SCN3A: variants seen among roughly 807,000 people sequenced by gnomAD.
SCN3A encodes sodium channel protein type 3 subunit alpha.
Under a neutral mutation model 187.6 loss-of-function variants are expected in SCN3A, and 60 were observed. The observed-to-expected ratio is 0.32, with a 90% CI of 0.26 to 0.40. SCN3A has a LOEUF of 0.40. SCN3A is among the 10% of genes least tolerant of loss of function. The probability of loss-of-function intolerance (pLI) is 1.00; values close to 1 mark genes in which losing one functional copy is unlikely to be tolerated. For missense variants in SCN3A, 1,601 were observed against 2,428.2 expected, an observed-to-expected ratio of 0.66 and a Z score of 7.16; for synonymous variants, 788 against 829.2, an observed-to-expected ratio of 0.95 and a Z score of 0.85.
chr2:165,159,897 C>T (rs1178955514), intron 9 of SCN3A, among the ~76,000 whole-genome samples: 2 of 135,398 alleles, frequency 1.5e-5, no homozygotes, highest in Non-Finnish European at 3.0e-5. Context: ...TTTGGGAGGC[C>T]GAGGCGGGCG....
intron 17 of SCN3A, among the ~76,000 whole-genome samples, chr2:165,129,130 G>C (rs191212902): frequency 2.6e-5 from 4 of 152,244 alleles, no homozygotes; most frequent in Admixed American, 2.6e-4. Flanking sequence ...TATCCCAGTA[G>C]CATTCTTTTG....
At chr2:165,171,739 T>C (rs1004392428) in intron 3 of SCN3A, among the ~76,000 whole-genome samples, 1 of 152,112 alleles carries the variant, frequency 6.6e-6, no homozygotes, top group Non-Finnish European at 1.5e-5. Context: ...TGTACTCTTT[T>C]ACATGTTGCT....
intron 18 of SCN3A, among the ~76,000 whole-genome samples, chr2:165,116,505 C>A (rs1686374133): frequency 6.6e-6 from 1 of 152,118 alleles, no homozygotes; most frequent in Admixed American, 6.6e-5. Flanking sequence ...TAATGTAAAG[C>A]TTTTAAGATG....
chr2:165,168,229 C>T (rs1689893095), intron 5 of SCN3A, among the ~76,000 whole-genome samples: 1 of 151,996 alleles, frequency 6.6e-6, no homozygotes, highest in Non-Finnish European at 1.5e-5. Context: ...TTTTACAGAA[C>T]ACATCTAAGC....
rs370198506 is a variant in SCN3A at position 165,091,693 on chromosome 2, A to AT, written c.4808-349dup. 1.7e-3 allele frequency: 516 copies of AT among 311,102 alleles called. 3 individuals are homozygous for AT. Among genetic ancestry groups the AT allele is most frequent in the African/African-American group, 0.011 (482 of 45,904 alleles). The allele number at this position is 311,102 out of a possible 1,614,324, so 19.3% of individuals were successfully genotyped here. ...GAAATCTCTGAATATATTGTTTTCT[A>AT]TTTTTTAATGATACTCTTCAGTTAG... On this transcript the variant is annotated intron_variant, in intron 27 of 27. Coordinates refer to ENST00000283254, the MANE Select transcript of SCN3A (RefSeq NM_006922.4).
At chr2:165,154,038 A>G (rs1688862487) in intron 11 of SCN3A, among the ~76,000 whole-genome samples, 1 of 125,990 alleles carries the variant, frequency 7.9e-6, no homozygotes, top group Non-Finnish European at 1.6e-5. Flanking sequence ...ATTGTTAAGC[A>G]TAGGTATATA....
Position 165,095,581 on chromosome 2 carries a change from A to G in SCN3A, c.4361T>C (p.Phe1454Ser), listed in dbSNP as rs1305936001. 2 of 1,578,902 alleles carry G rather than the reference A, an allele frequency of 1.3e-6. No homozygotes were observed. Among genetic ancestry groups the G allele is most frequent in the East Asian group, 2.2e-5 (1 of 44,678 alleles). The change falls in exon 25 of 28, where the codon TTT becomes TCT. Residue 1454 changes from phenylalanine (F) to serine (S), a missense_variant. Physicochemically the swap from Phe to Ser is radical, Grantham distance 155. This residue lies in a region of SCN3A where 320 missense variants were observed against 623.2 expected (regional missense o/e 0.51). Coordinates refer to ENST00000283254, the MANE Select transcript of SCN3A (RefSeq NM_006922.4). The stretch of plus-strand genomic sequence containing the variant: ...TAGATTCAGAGTGAAGAATGACCCA[A>G]AGATGATAAAGATGACAAAGTATAA... ...MYLYFVIFII[F>S]GSFFTLNLFI...
chr2:165,178,382 A>G (rs62176178), intron 2 of SCN3A, among the ~76,000 whole-genome samples: 12,646 of 151,956 alleles, frequency 0.083, 652 homozygotes, highest in Non-Finnish European at 0.096. Flanking sequence ...GCCCTCCACC[A>G]TGCCTGGATC....
chr2:165,200,708 CAGTTT>C (rs1692261340), intron 1 of SCN3A, among the ~76,000 whole-genome samples: 1 of 151,974 alleles, frequency 6.6e-6, no homozygotes, highest in Non-Finnish European at 1.5e-5. Flanking sequence ...TTACTTGAGT[CAGTTT>C]AAAGAGGCCT....
At chr2:165,192,161 A>G (rs949815905) in intron 1 of SCN3A, among the ~76,000 whole-genome samples, 11 of 152,142 alleles carry the variant, frequency 7.2e-5, no homozygotes, top group Admixed American at 2.6e-4. Flanking sequence ...TATAGGCACT[A>G]TATTTATTAA....
chr2:165,196,016 G>T (rs1691925717), intron 1 of SCN3A, among the ~76,000 whole-genome samples: 1 of 152,078 alleles, frequency 6.6e-6, no homozygotes, highest in Non-Finnish European at 1.5e-5. Context: ...AGAGGGGAAT[G>T]GTTATATCAA....
In SCN3A at chr2:165,140,309, G is replaced by A. The variant is rs1687927388; in HGVS notation, c.2019+342C>T. 6.6e-6 allele frequency among the ~76,000 whole-genome samples: 1 copy of A among 151,658 alleles called. No homozygotes were observed. The highest frequency in any genetic ancestry group is 2.1e-4 in the South Asian group (1 of 4,754). ...AATAGATAATTATACAATTCTTGGT[G>A]AATATACATCTTATAGATTTGATGG... On this transcript the variant is annotated intron_variant, in intron 13 of 27. Transcript: ENST00000283254. The surrounding 1 kb of genome is among the most constrained non-coding windows in gnomAD (Gnocchi z 4.2).
intron 18 of SCN3A, among the ~76,000 whole-genome samples, chr2:165,122,186 C>G (rs1686713219): frequency 6.6e-6 from 1 of 151,364 alleles, no homozygotes; most frequent in South Asian, 2.1e-4. Context: ...CATCTCCAAA[C>G]CTCAGGATCA....
chr2:165,091,182 G>A lies in SCN3A; in HGVS notation c.4971C>T (p.Asn1657=), dbSNP rs1278899335. The A allele has an allele frequency of 1.9e-6, 3 of 1,614,028 alleles. No individual in the cohort carries two copies. Among genetic ancestry groups the A allele is most frequent in the South Asian group, 2.2e-5 (2 of 91,088 alleles). The change falls in exon 28 of 28, where the codon AAC becomes AAT. Residue 1657 remains asparagine (N), a synonymous_variant. Coordinates refer to ENST00000283254, the MANE Select transcript of SCN3A (RefSeq NM_006922.4). ...TGACCAGGAAGAGCAGGAGGCCGAT[G>A]TTAAACAACGCAGGAAGGGACATCA... The part of the protein sequence containing the change: ...ALMMSLPALF[N]IGLLLFLVMF...
intron 1 of SCN3A, among the ~76,000 whole-genome samples, chr2:165,197,599 C>G (rs1434014439): frequency 8.2e-6 from 1 of 121,362 alleles, no homozygotes; most frequent in African/African-American, 3.1e-5. Flanking sequence ...TTTTTTTTTT[C>G]TCCTGACATT....
intron 21 of SCN3A, among the ~76,000 whole-genome samples, chr2:165,107,963 T>TTAG (rs1347159704): frequency 1.3e-5 from 2 of 152,212 alleles, no homozygotes; most frequent in African/African-American, 4.8e-5. Flanking sequence ...TGGCCACTTA[T>TTAG]TAGTTCCGTT....
intron 18 of SCN3A, among the ~76,000 whole-genome samples, chr2:165,126,432 T>C (rs1268996154): frequency 2.0e-5 from 3 of 151,600 alleles, no homozygotes; most frequent in South Asian, 2.1e-4. Flanking sequence ...CTTTCTTCCC[T>C]TCCTTCCTTT....
At chr2:165,166,607 C>T (rs1478505701) in intron 5 of SCN3A, among the ~76,000 whole-genome samples, 1 of 152,160 alleles carries the variant, frequency 6.6e-6, no homozygotes, top group Non-Finnish European at 1.5e-5. Flanking sequence ...TATGCCACAT[C>T]TTTGTACAGG....
chr2:165,162,407 T>A (rs765309097), intron 8 of SCN3A, 36 bp from the exon 9 acceptor site: 143 of 1,604,046 alleles, frequency 8.9e-5, no homozygotes, highest in Non-Finnish European at 1.2e-4. Flanking sequence ...TTATTTCATA[T>A]TAATCCTATT....
Sources: allele counts gnomAD v4.1 joint callset (sites outside exome capture counted in the v4.1 genomes callset), GRCh38; gene constraint gnomAD v4.1.1; regional missense constraint gnomAD v4.1.1; non-coding constraint Gnocchi (gnomAD v3.1); transcripts MANE v1.5; gene names NCBI Gene and HGNC (gene_info 2026-07-23, HGNC 2026-07-21).